The following VWA5A variants were observed in gnomAD, a reference collection of about 807,000 sequenced individuals.
VWA5A encodes von Willebrand factor A domain containing 5A, also known as von Willebrand factor A domain-containing protein 5A.
In VWA5A, 77 loss-of-function variants were observed where a neutral mutation model predicts 84.6. That is an observed-to-expected ratio of 0.91 (90% CI 0.76 to 1.10). VWA5A has a LOEUF of 1.10. Ranked by LOEUF, VWA5A falls within the 50% of genes least tolerant of loss-of-function variation. The probability of loss-of-function intolerance (pLI) is 0.00; values close to 1 mark genes in which losing one functional copy is unlikely to be tolerated. For synonymous variants in VWA5A, 334 were observed against 350.1 expected (o/e 0.95, Z 0.51); for missense variants, 973 against 963.0 (o/e 1.01, Z -0.14).
chr11:124,125,097 C>T (rs1031790289), intron 11 of VWA5A, among the ~76,000 whole-genome samples: 31 of 152,096 alleles, frequency 2.0e-4, no homozygotes, highest in African/African-American at 6.3e-4. Context: ...TATTTATATA[C>T]GTAGATTTTT....
intron 7 of VWA5A, among the ~76,000 whole-genome samples, chr11:124,120,310 G>T (rs575646123): frequency 6.6e-6 from 1 of 152,192 alleles, no homozygotes; most frequent in Non-Finnish European, 1.5e-5. Context: ...GCCTTCCTGG[G>T]CTGCCATGCT....
intron 7 of VWA5A, among the ~76,000 whole-genome samples, chr11:124,122,706 A>T (rs776264729): frequency 6.6e-6 from 1 of 152,206 alleles, no homozygotes; most frequent in Non-Finnish European, 1.5e-5. Context: ...AATCAGTGAC[A>T]ATGTTTTAAC....
At chr11:124,145,209 C>A (rs1565292714) in intron 17 of VWA5A, 28 bp from the exon 18 acceptor site, 1 of 1,588,332 alleles carries the variant, frequency 6.3e-7, no homozygotes, top group Non-Finnish European at 8.6e-7. Context: ...CTTCCTGTGC[C>A]AACTGGAGCT....
At chr11:124,145,458 C>G in intron 18 of VWA5A, 95 bp downstream of exon 18, 1 of 1,438,092 alleles carries the variant, frequency 7.0e-7, no homozygotes, top group Non-Finnish European at 9.2e-7. Context: ...CCTCCACCAT[C>G]CTGCTTCAGA....
intron 15 of VWA5A, 78 bp from the exon 16 acceptor site, chr11:124,141,520 G>A (rs1860727030): frequency 6.4e-7 from 1 of 1,557,866 alleles, no homozygotes; most frequent in South Asian, 1.2e-5. Context: ...GGGGGGGTAT[G>A]TATCTTGAAT....
rs201003944 is a variant in VWA5A at position 124,124,231 on chromosome 11, G to T, written c.1165-6G>T. 1 of 1,612,314 alleles carries T rather than the reference G, an allele frequency of 6.2e-7. No homozygotes were observed. The highest frequency in any genetic ancestry group is 1.3e-5 in the African/African-American group (1 of 74,826). On this transcript the variant is annotated splice_region_variant and splice_polypyrimidine_tract_variant and intron_variant, in intron 10 of 18. Coordinates refer to ENST00000456829, the MANE Select transcript of VWA5A (RefSeq NM_001130142.2). Reference sequence around the variant, plus strand: ...GACCTGATGAACATTTTCTTTCTTTGTATAGCTTTTTGTCTTTACAGATGG... The same window carrying T: ...GACCTGATGAACATTTTCTTTCTTTTTATAGCTTTTTGTCTTTACAGATGG...
intron 11 of VWA5A, among the ~76,000 whole-genome samples, chr11:124,132,035 T>C (rs1865105078): frequency 6.6e-6 from 1 of 152,028 alleles, no homozygotes; most frequent in African/African-American, 2.4e-5. Context: ...CTCTTTTCTT[T>C]CTTTTGTTTT....
At chr11:124,137,321 C>G in intron 15 of VWA5A, 53 bp downstream of exon 15, 3 of 1,572,768 alleles carry the variant, frequency 1.9e-6, no homozygotes, top group South Asian at 1.2e-5. Context: ...TTCTGACTAT[C>G]TGAGCACATT....
chr11:124,137,785 C>T (rs1860639832), intron 15 of VWA5A, among the ~76,000 whole-genome samples: 1 of 152,206 alleles, frequency 6.6e-6, no homozygotes, highest in African/African-American at 2.4e-5. Context: ...CTCCACCAGT[C>T]CCAGTAATCA....
intron 2 of VWA5A, among the ~76,000 whole-genome samples, chr11:124,117,159 G>C (rs1051399317): frequency 1.3e-5 from 2 of 152,220 alleles, no homozygotes; most frequent in African/African-American, 4.8e-5. Flanking sequence ...CTGAGGCTCA[G>C]AGGGATTAGT....
At chr11:124,135,146 G>T (rs1865155503) in intron 12 of VWA5A, 112 bp downstream of exon 12, 1 of 801,540 alleles carries the variant, frequency 1.2e-6, no homozygotes. Flanking sequence ...CAGGATACCT[G>T]TTCCTATATC....
chr11:124,124,170 G>A (rs755069775), intron 10 of VWA5A, 67 bp from the exon 11 acceptor site: 1 of 1,497,084 alleles, frequency 6.7e-7, no homozygotes, highest in Non-Finnish European at 9.2e-7. Flanking sequence ...GATTTTTCAA[G>A]GGCAAATTCT....
intron 12 of VWA5A, 63 bp downstream of exon 12, chr11:124,135,097 G>C (rs1865154602): frequency 7.0e-7 from 1 of 1,420,920 alleles, no homozygotes; most frequent in East Asian, 2.3e-5. Context: ...GGAACGGGGT[G>C]GGGAACACTG....
chr11:124,119,151 G>GTCGAATTACTCTCT, intron 7 of VWA5A, 62 bp downstream of exon 7: 1 of 1,415,782 alleles, frequency 7.1e-7, no homozygotes, highest in South Asian at 1.2e-5. Flanking sequence ...TGGAATTACT[G>GTCGAATTACTCTCT]TCGAATTACT....
At position 124,147,643 on chromosome 11, in the gene VWA5A, G is replaced by T. The variant is rs1860841287; in HGVS notation, c.*1698G>T. Reference sequence around the variant, plus strand: ...CTACTTTATTTAACAAGGCTCCCAGGTATCATGCATGCACATTGAAGTTTG... The same window carrying T: ...CTACTTTATTTAACAAGGCTCCCAGTTATCATGCATGCACATTGAAGTTTG... On this transcript the variant is annotated 3_prime_UTR_variant, in exon 19 of 19. Coordinates refer to ENST00000456829, the MANE Select transcript of VWA5A (RefSeq NM_001130142.2). 6.6e-6 allele frequency: 1 copy of T among 152,106 alleles called. No individual in the cohort carries two copies. Among genetic ancestry groups the T allele is most frequent in the African/African-American group, 2.4e-5 (1 of 41,396 alleles). 9.4% of individuals were successfully genotyped at this position (152,106 alleles called of 1,614,324 possible).
rs770901250 is a variant in VWA5A at position 124,118,693 on chromosome 11, C to T, written c.630C>T (p.Asp210=). The T allele has an allele frequency of 1.2e-6, 2 of 1,613,800 alleles. No individual in the cohort carries two copies. Among genetic ancestry groups the T allele is most frequent in the Non-Finnish European group, 8.5e-7 (1 of 1,179,914 alleles). The change falls in exon 6 of 19, where the codon GAC becomes GAT. Residue 210 remains aspartate, a synonymous_variant. Coordinates refer to ENST00000456829, the MANE Select transcript of VWA5A (RefSeq NM_001130142.2). The part of the protein sequence containing the change: ...PLSPTEYLGE[D]KTSAQVSLAA... ...GTCCTACCGAGTACCTAGGAGAGGA[C>T]AAGACTTCTGCTCAGGTAGTTAATG...
At position 124,118,233 on chromosome 11, in the gene VWA5A, C is replaced by T. The variant is rs890395856; in HGVS notation, c.291C>T (p.Ala97=). ...AAGCCATCTCCCAGGGCCACCAGGC[C>T]TTCTTATTGGAGGGGGACAGCAGCT... ...YEKAISQGHQ[A]FLLEGDSSSR... Residue 97 remains alanine (A), a synonymous_variant, in exon 5 of 19, where the codon GCC becomes GCT. Transcript: ENST00000456829. 2 of 1,614,070 alleles carry T rather than the reference C, an allele frequency of 1.2e-6. No homozygotes were observed. Among genetic ancestry groups the T allele is most frequent in the Non-Finnish European group, 1.7e-6 (2 of 1,180,044 alleles).
At chr11:124,125,701 A>G (rs191016959) in intron 11 of VWA5A, among the ~76,000 whole-genome samples, 63 of 152,132 alleles carry the variant, frequency 4.1e-4, no homozygotes, top group African/African-American at 1.4e-3. Context: ...TTTTCCTGTT[A>G]CTTATTTATT....
intron 11 of VWA5A, among the ~76,000 whole-genome samples, chr11:124,129,207 C>T (rs573998912): frequency 1.4e-4 from 21 of 152,232 alleles, no homozygotes; most frequent in South Asian, 1.2e-3. Flanking sequence ...TGAATTTTAT[C>T]GAGGGCCTTT....
Sources: allele counts gnomAD v4.1 joint callset (sites outside exome capture counted in the v4.1 genomes callset), GRCh38; gene constraint gnomAD v4.1.1; transcripts MANE v1.5; gene names NCBI Gene and HGNC (gene_info 2026-07-23, HGNC 2026-07-21).